Variants in HNRNPH3 observed in about 807,000 individuals in gnomAD.
HNRNPH3 encodes the protein heterogeneous nuclear ribonucleoprotein H3, also known as heterogeneous nuclear ribonucleoprotein 2H9.
A neutral mutation model predicts 47.0 loss-of-function variants in HNRNPH3; 7 were observed. The ratio of observed to expected loss-of-function variants is 0.15; its 90% CI spans 0.08 to 0.28. HNRNPH3 has a LOEUF of 0.28. Among genes scored for constraint, HNRNPH3 ranks in the 10% least tolerant of loss-of-function variants. The pLI is 1.00. For synonymous variants in HNRNPH3, 120 were observed against 143.2 expected (o/e 0.84, Z 1.16); for missense variants, 279 against 449.6 (o/e 0.62, Z 3.43).
In HNRNPH3 at chr10:68,341,577, T is replaced by TC. The variant is rs1338934507; in HGVS notation, c.776-7dup. 2.5e-6 allele frequency: 4 copies of TC among 1,578,720 alleles called. 1 individual carries two copies. In the Admixed American group the frequency reaches 7.0e-5, roughly 28 times the overall value. ...TCTCCCCTGTTACTCTTTCTTTTTT[T>TC]CTTAAAGAACATCGATATATTGAAC... On this transcript the variant is annotated splice_polypyrimidine_tract_variant and splice_region_variant and intron_variant, in intron 7 of 9. Transcript: ENST00000265866.
rs747844719 is a variant in HNRNPH3 at position 68,342,074 on chromosome 10, C to T, written c.*20C>T. The T allele has an allele frequency of 1.9e-6, 3 of 1,573,672 alleles. No individual in the cohort carries two copies. The South Asian group carries it at 3.4e-5, about 18-fold the overall frequency. Reference sequence around the variant, plus strand: ...TACTGAAAGCAAAAACACCAACATACAAGTCTTGACAACAGCATCTGGTCT... The same window carrying T: ...TACTGAAAGCAAAAACACCAACATATAAGTCTTGACAACAGCATCTGGTCT... On this transcript the variant is annotated 3_prime_UTR_variant, in exon 10 of 10. Transcript: ENST00000265866.
rs1475117694 is a variant in HNRNPH3 at position 68,337,252 on chromosome 10, A to G, written c.31A>G (p.Asn11Asp). The G allele has an allele frequency of 1.2e-6, 2 of 1,612,676 alleles. No homozygotes were observed. Among genetic ancestry groups the G allele is most frequent in the East Asian group, 2.2e-5 (1 of 44,882 alleles). The change falls in exon 2 of 10, where the codon AAT becomes GAT. Residue 11 changes from asparagine (N) to aspartate (D), a missense_variant. Physicochemically the swap from Asn to Asp is conservative, Grantham distance 23. Transcript: ENST00000265866. The surrounding 1 kb of genome is among the most constrained non-coding windows in gnomAD (Gnocchi z 4.5). MDWVMKHNGP[N>D]DASDGTVRLR... ...TTGGGTTATGAAACATAATGGTCCAAATGACGCTAGTGATGGGACAGTACG... is the reference window on the plus strand; with the variant it reads ...TTGGGTTATGAAACATAATGGTCCAGATGACGCTAGTGATGGGACAGTACG...
chr10:68,338,428 C>A, intron 3 of HNRNPH3, 75 bp from the exon 4 acceptor site: 2 of 839,678 alleles, frequency 2.4e-6, no homozygotes, highest in Non-Finnish European at 1.8e-6. Context: ...GAAAAACTTA[C>A]TGCATTTTGC....
At chr10:68,338,807 G>A (rs1412731395) in intron 4 of HNRNPH3, 120 bp downstream of exon 4, 2 of 745,250 alleles carry the variant, frequency 2.7e-6, no homozygotes, top group Non-Finnish European at 4.1e-6. Flanking sequence ...ACCTGTTCAT[G>A]AAAATACGGA....
chr10:68,341,889 T>C (rs370749252), intron 9 of HNRNPH3, 38 bp downstream of exon 9: 3 of 1,590,914 alleles, frequency 1.9e-6, no homozygotes, highest in Non-Finnish European at 2.6e-6. Context: ...AGTCCGCATA[T>C]GTAGTGCAAA....
intron 3 of HNRNPH3, 136 bp downstream of exon 3, chr10:68,338,132 T>TA: frequency 1.6e-6 from 1 of 620,716 alleles, no homozygotes; most frequent in African/African-American, 1.8e-5. Flanking sequence ...AAATTTAACT[T>TA]GGAAACTACA....
chr10:68,339,669 A>T (rs1164515572), intron 6 of HNRNPH3, 114 bp downstream of exon 6: 2 of 659,972 alleles, frequency 3.0e-6, no homozygotes, highest in Admixed American at 5.7e-5. Context: ...CTTGAATATA[A>T]AAATAGATCT....
At chr10:68,339,366 T>A in intron 5 of HNRNPH3, 74 bp from the exon 6 acceptor site, 3 of 1,510,360 alleles carry the variant, frequency 2.0e-6, no homozygotes, top group Non-Finnish European at 2.7e-6. Flanking sequence ...GCTTTATACC[T>A]TGTATAGTAT....
intron 1 of HNRNPH3, among the ~76,000 whole-genome samples, chr10:68,335,079 T>C (rs1042181656): frequency 2.0e-5 from 3 of 152,136 alleles, no homozygotes; most frequent in African/African-American, 7.2e-5. Flanking sequence ...TGTTAACAGT[T>C]TAGTGTTTCT....
chr10:68,336,285 T>C (rs1419759172), intron 1 of HNRNPH3, among the ~76,000 whole-genome samples: 1 of 152,140 alleles, frequency 6.6e-6, no homozygotes, highest in African/African-American at 2.4e-5. Context: ...GCTGAAGGAC[T>C]TCTGCATTCA....
intron 4 of HNRNPH3, 105 bp from the exon 5 acceptor site, chr10:68,339,034 GC>G (rs2045680916): frequency 3.7e-6 from 3 of 818,944 alleles, no homozygotes; most frequent in Non-Finnish European, 5.7e-6. Context: ...TTGCAAACTT[GC>G]AATCAAGTTA....
chr10:68,336,299 CTT>C (rs957071844), intron 1 of HNRNPH3, among the ~76,000 whole-genome samples: 2 of 152,086 alleles, frequency 1.3e-5, no homozygotes, highest in Admixed American at 6.6e-5. Context: ...GCATTCACCT[CTT>C]TTGTAAATAT....
intron 4 of HNRNPH3, 194 bp from the exon 5 acceptor site, chr10:68,338,946 G>A: frequency 3.7e-6 from 2 of 537,076 alleles, no homozygotes; most frequent in Non-Finnish European, 6.4e-6. Flanking sequence ...TAATTTACAT[G>A]TCTGAACTTA....
rs1045070260 is a variant in HNRNPH3 at position 68,337,785 on chromosome 10, T to C, written c.113-73T>C. 1.5e-6 allele frequency: 2 copies of C among 1,296,140 alleles called. No homozygotes were observed. Among genetic ancestry groups the C allele is most frequent in the South Asian group, 1.5e-5 (1 of 66,458 alleles). The allele number at this position is 1,296,140 out of a possible 1,614,324, so 80.3% of individuals were successfully genotyped here. On this transcript the variant is annotated intron_variant, in intron 2 of 9. Transcript: ENST00000265866. This position sits in a 1 kb window ranked among gnomAD's most constrained non-coding sequence, Gnocchi z 4.5. Reference sequence around the variant, plus strand: ...GTTTTGTTTAGACTTGTTTTAAATATTTGATTCAGATGGGAATGTTTCAGC... The same window carrying C: ...GTTTTGTTTAGACTTGTTTTAAATACTTGATTCAGATGGGAATGTTTCAGC...
chr10:68,341,742 CT>C lies in HNRNPH3; in HGVS notation c.872-11del. 1 of 1,586,322 alleles carries C rather than the reference CT, an allele frequency of 6.3e-7. No homozygotes were observed. The highest frequency in any genetic ancestry group is 1.2e-5 in the South Asian group (1 of 86,682). On this transcript the variant is annotated splice_polypyrimidine_tract_variant and intron_variant, in intron 8 of 9. Transcript: ENST00000265866. ...TTATCGATGAGTCTCAATTTTTTTT[CT>C]TTTTTCTTTTTAAAGATAATCAGGG...
In HNRNPH3 at chr10:68,341,640, G is replaced by C; in HGVS notation, c.831G>C (p.Met277Ile). ...CTACTCCTGGAGGCGGCTCTGGCAT[G>C]GGAGGTTCTGGAATGGGAGGCTACG... ...LNSTPGGGSG[M>I]GGSGMGGYGR... The change falls in exon 8 of 10, where the codon ATG becomes ATC. Residue 277 changes from methionine to isoleucine, a missense_variant. Physicochemically the swap from Met to Ile is conservative, Grantham distance 10. Coordinates refer to ENST00000265866, the MANE Select transcript of HNRNPH3 (RefSeq NM_012207.3). 1 of 1,613,692 alleles carries C rather than the reference G, an allele frequency of 6.2e-7. No individual in the cohort carries two copies. The highest frequency in any genetic ancestry group is 8.5e-7 in the Non-Finnish European group (1 of 1,179,674).
chr10:68,340,123 C>A (rs2045802564), intron 6 of HNRNPH3, among the ~76,000 whole-genome samples: 1 of 152,190 alleles, frequency 6.6e-6, no homozygotes, highest in African/African-American at 2.4e-5. Flanking sequence ...CAACCTCCAC[C>A]TCCCGGGTTC....
intron 3 of HNRNPH3, chr10:68,338,290 TA>T (rs1405391573): frequency 2.2e-6 from 1 of 458,878 alleles, no homozygotes; most frequent in African/African-American, 2.0e-5. Context: ...AGTAAAAATA[TA>T]CTTTATGAAT....
Position 68,337,624 on chromosome 10 carries a change from G to A in HNRNPH3, c.113-234G>A. On this transcript the variant is annotated intron_variant, in intron 2 of 9. Transcript: ENST00000265866. This position sits in a 1 kb window ranked among gnomAD's most constrained non-coding sequence, Gnocchi z 4.5. ...TTGTAGCCTTTTTTCATGTAATATA[G>A]GTGGGCTTTTAGAGTGTGTAATTAC... The A allele has an allele frequency of 1.9e-6, 1 of 529,916 alleles. No homozygotes were observed. The highest frequency in any genetic ancestry group is 3.3e-6 in the Non-Finnish European group (1 of 299,002). The allele number at this position is 529,916 out of a possible 1,614,324, so 32.8% of individuals were successfully genotyped here.
Sources: allele counts gnomAD v4.1 joint callset (sites outside exome capture counted in the v4.1 genomes callset), GRCh38; gene constraint gnomAD v4.1.1; non-coding constraint Gnocchi (gnomAD v3.1); transcripts MANE v1.5; gene names NCBI Gene and HGNC (gene_info 2026-07-23, HGNC 2026-07-21).